KYNU: variants seen among roughly 807,000 people sequenced by gnomAD.
KYNU encodes the protein L-kynurenine hydrolase.
KYNU carries 54 observed loss-of-function variants against 59.2 expected under a neutral mutation model. That is an observed-to-expected ratio of 0.91 (90% CI 0.73 to 1.14). The LOEUF is 1.14. KYNU is among the 50% of genes most tolerant of loss of function. The pLI is 0.00. For synonymous variants in KYNU, 177 were observed against 192.0 expected (o/e 0.92, Z 0.65); for missense variants, 567 against 554.4 (o/e 1.02, Z -0.23).
At chr2:142,949,025 T>C (rs1262461587) in intron 4 of KYNU, among the ~76,000 whole-genome samples, 1 of 152,238 alleles carries the variant, frequency 6.6e-6, no homozygotes, top group Non-Finnish European at 1.5e-5. Context: ...ACAAAGGGGC[T>C]ACAGGCCCCA....
chr2:143,023,068 G>C (rs568937261), intron 10 of KYNU, among the ~76,000 whole-genome samples: 1 of 151,548 alleles, frequency 6.6e-6, no homozygotes, highest in African/African-American at 2.4e-5. Context: ...TGATTTATTT[G>C]TTTTCTTTCT....
intron 10 of KYNU, among the ~76,000 whole-genome samples, chr2:143,022,838 T>C (rs1558980209): frequency 6.6e-6 from 1 of 151,990 alleles, no homozygotes; most frequent in Non-Finnish European, 1.5e-5. Flanking sequence ...TGAATATCCT[T>C]CTGCATATGT....
At position 143,050,078 on chromosome 2, in the gene KYNU, A is replaced by ATAAAATCTATTTTATG. The variant is rs1280152497; in HGVS notation, c.*7927_*7942dup. On this transcript the variant is annotated 3_prime_UTR_variant, in exon 14 of 14. Transcript: ENST00000264170. ...TAAAATATGAAATATATAATACAGT[A>ATAAAATCTATTTTATG]TAAAATCTATTTTATGTAAAATCTA... is the stretch of plus-strand genomic sequence containing the variant. The ATAAAATCTATTTTATG allele has an allele frequency of 6.7e-6, 1 of 148,210 alleles. No individual in the cohort carries two copies. Among genetic ancestry groups the ATAAAATCTATTTTATG allele is most frequent in the Non-Finnish European group, 1.5e-5 (1 of 67,168 alleles). 9.2% of individuals were successfully genotyped at this position (148,210 alleles called of 1,614,324 possible).
chr2:142,963,922 C>G (rs891513505), intron 8 of KYNU, among the ~76,000 whole-genome samples: 2 of 152,188 alleles, frequency 1.3e-5, no homozygotes, highest in African/African-American at 4.8e-5. Flanking sequence ...CTGGAAATCT[C>G]AAGTGCTCCA....
chr2:142,956,888 A>G (rs1256922642), intron 6 of KYNU, among the ~76,000 whole-genome samples: 1 of 152,204 alleles, frequency 6.6e-6, no homozygotes, highest in East Asian at 1.9e-4. Flanking sequence ...CACTCCTGCT[A>G]TCTCAACACT....
At chr2:142,933,401 C>T (rs567375957) in intron 4 of KYNU, among the ~76,000 whole-genome samples, 12 of 152,074 alleles carry the variant, frequency 7.9e-5, no homozygotes, top group Non-Finnish European at 1.8e-4. Flanking sequence ...TTTTAAGGCT[C>T]ATGGAGTGGG....
rs138438909 is a variant in KYNU, at chr2:143,026,738, TGTCCGCA to T, written c.903-2867_903-2861del. ...CGTTACAGTGCTCTTTTAGCTCTGC[TGTCCGCA>T]GTCCGCAGTCCGCAGTCCGCATTAG... On this transcript the variant is annotated intron_variant, in intron 10 of 13. Coordinates refer to ENST00000264170, the MANE Select transcript of KYNU (RefSeq NM_003937.3). Among the ~76,000 whole-genome samples, 82 of 87,774 alleles carry T rather than the reference TGTCCGCA, an allele frequency of 9.3e-4. 1 individual carries two copies. Among genetic ancestry groups the T allele is most frequent in the Admixed American group, 4.0e-3 (39 of 9,832 alleles). The allele number at this position is 87,774 out of a possible 152,430, so 57.6% of individuals were successfully genotyped here. A position where few individuals can be genotyped will look rare whatever the true frequency, so the allele number is the denominator to read the frequency against.
At chr2:142,897,019 C>A (rs545157333) in intron 2 of KYNU, among the ~76,000 whole-genome samples, 2 of 152,250 alleles carry the variant, frequency 1.3e-5, no homozygotes, top group East Asian at 3.9e-4. Context: ...ACTTCTTTCG[C>A]CCATAATTTA....
chr2:142,930,440 T>G (rs1038059873), intron 4 of KYNU, among the ~76,000 whole-genome samples: 1 of 152,160 alleles, frequency 6.6e-6, no homozygotes, highest in African/African-American at 2.4e-5. Context: ...CAGACTGCCA[T>G]GACAAACACC....
At chr2:143,003,995 C>T (rs1269913890) in intron 10 of KYNU, among the ~76,000 whole-genome samples, 1 of 152,198 alleles carries the variant, frequency 6.6e-6, no homozygotes, top group Non-Finnish European at 1.5e-5. Context: ...TGATTAAGAT[C>T]TTCCATGAAC....
At chr2:142,887,150 A>G (rs1206781385) in intron 2 of KYNU, among the ~76,000 whole-genome samples, 1 of 143,484 alleles carries the variant, frequency 7.0e-6, no homozygotes, top group Non-Finnish European at 1.5e-5. Context: ...AGCTTGGGCG[A>G]CAGTCCGAGG....
At chr2:143,029,299 A>G (rs1686670420) in intron 10 of KYNU, among the ~76,000 whole-genome samples, 1 of 152,328 alleles carries the variant, frequency 6.6e-6, no homozygotes, top group African/African-American at 2.4e-5. Flanking sequence ...AGATCAAAAT[A>G]TCATGTCCAG....
At chr2:142,993,122 C>T (rs1432065346) in intron 10 of KYNU, among the ~76,000 whole-genome samples, 1 of 151,950 alleles carries the variant, frequency 6.6e-6, no homozygotes, top group Non-Finnish European at 1.5e-5. Context: ...AATAAATTTA[C>T]TTTGTTACAT....
At chr2:143,039,503 C>T (rs1027272) in intron 12 of KYNU, among the ~76,000 whole-genome samples, 17,831 of 151,988 alleles carry the variant, frequency 0.12, 1,110 homozygotes, top group East Asian at 0.25. Flanking sequence ...ATTATACTAA[C>T]TTAATTTAAA....
chr2:142,967,532 C>A (rs555634524), intron 8 of KYNU: 1 of 152,208 alleles, frequency 6.6e-6, no homozygotes, highest in East Asian at 1.9e-4. Flanking sequence ...TGAATTACTT[C>A]TGGATCCAGA....
intron 8 of KYNU, among the ~76,000 whole-genome samples, chr2:142,972,494 TA>T (rs1684754970): frequency 2.6e-5 from 4 of 152,068 alleles, no homozygotes; most frequent in Non-Finnish European, 5.9e-5. Flanking sequence ...TAATGCTTCG[TA>T]AAAATGTGAA....
chr2:142,950,772 T>C (rs1420800765), intron 4 of KYNU, among the ~76,000 whole-genome samples: 1 of 152,230 alleles, frequency 6.6e-6, no homozygotes, highest in Non-Finnish European at 1.5e-5. Context: ...ACTTGGCTGT[T>C]TGGCACAAGA....
In KYNU at chr2:143,042,583, G is replaced by GATATATATAT. The variant is rs10528472; in HGVS notation, c.*450_*459dup. 5.1e-5 allele frequency: 7 copies of GATATATATAT among 136,418 alleles called. No individual in the cohort carries two copies. The highest frequency in any genetic ancestry group is 2.3e-4 in the East Asian group (1 of 4,348). 8.5% of individuals were successfully genotyped at this position (136,418 alleles called of 1,614,324 possible). ...GAGTTTCTTTGAAGCATTGTAGTCT[G>GATATATATAT]ATATATATATATATATATATATATA... On this transcript the variant is annotated 3_prime_UTR_variant, in exon 14 of 14. Coordinates refer to ENST00000264170, the MANE Select transcript of KYNU (RefSeq NM_003937.3).
chr2:142,940,497 A>G (rs1476062754), intron 4 of KYNU, among the ~76,000 whole-genome samples: 8 of 152,238 alleles, frequency 5.3e-5, no homozygotes, highest in Admixed American at 3.3e-4. Context: ...AATGTCCAAG[A>G]GCCTTGTTGA....
Sources: gnomAD v4.1 joint callset for allele counts (sites outside exome capture counted in the v4.1 genomes callset) on GRCh38, gnomAD v4.1.1 for gene constraint, MANE v1.5 for transcripts, NCBI Gene and HGNC (gene_info 2026-07-23, HGNC 2026-07-21) for gene names.